The following USP7 variants were observed in gnomAD, a reference collection of about 807,000 sequenced individuals.
USP7 encodes the protein ubiquitin C-terminal hydrolase 7.
Under a neutral mutation model 162.9 loss-of-function variants are expected in USP7, and 9 were observed. The observed-to-expected ratio is 0.06, with a 90% confidence interval of 0.03 to 0.10. USP7 has a LOEUF of 0.10. Among genes scored for constraint, USP7 ranks in the 10% least tolerant of loss-of-function variants. The pLI, the probability that USP7 is intolerant of heterozygous loss-of-function variation, is 1.00. For missense variants in USP7, 715 were observed against 1,373.7 expected (o/e 0.52, Z 7.58); for synonymous variants, 562 against 475.9 (o/e 1.18, Z -2.35).
At chr16:8,927,809 C>G (rs566491178) in intron 2 of USP7, among the ~76,000 whole-genome samples, 8 of 152,174 alleles carry the variant, frequency 5.3e-5, no homozygotes, top group Non-Finnish European at 1.2e-4. Flanking sequence ...GTACTCTAGC[C>G]TGGGCGACAC....
intron 25 of USP7, chr16:8,897,379 C>T (rs944547438): frequency 5.2e-5 from 20 of 385,060 alleles, no homozygotes; most frequent in African/African-American, 3.9e-4. Flanking sequence ...AGGAAATGGT[C>T]CCGAGGGGTC....
chr16:8,936,815 G>T, intron 1 of USP7: 1 of 1,154,854 alleles, frequency 8.7e-7, no homozygotes, highest in Non-Finnish European at 1.1e-6. Flanking sequence ...AACAGAAGAG[G>T]ATATTAATGG....
At chr16:8,898,716 G>A (rs1391269724) in intron 23 of USP7, 77 bp from the exon 24 acceptor site, 3 of 1,203,520 alleles carry the variant, frequency 2.5e-6, no homozygotes, top group East Asian at 4.8e-5. Context: ...GAGCATAAAA[G>A]CAAACCGCTG....
At chr16:8,896,881 G>T in intron 26 of USP7, 118 bp downstream of exon 26, 1 of 787,684 alleles carries the variant, frequency 1.3e-6, no homozygotes, top group Non-Finnish European at 2.3e-6. Context: ...ACCCCACTGA[G>T]TCTGGGAATG....
intron 1 of USP7, among the ~76,000 whole-genome samples, chr16:8,944,232 CAAA>C (rs36002655): frequency 2.7e-5 from 4 of 147,150 alleles, no homozygotes; most frequent in African/African-American, 7.5e-5. Flanking sequence ...AACAGAGGTG[CAAA>C]AAAAAAAAAG....
chr16:8,939,270 T>C (rs1040214807), intron 1 of USP7, among the ~76,000 whole-genome samples: 1 of 152,156 alleles, frequency 6.6e-6, no homozygotes, highest in African/African-American at 2.4e-5. Context: ...CCGGCGTGCG[T>C]GCTCCCCCAT....
At chr16:8,953,227 T>A (rs1899639797) in intron 1 of USP7, among the ~76,000 whole-genome samples, 1 of 152,112 alleles carries the variant, frequency 6.6e-6, no homozygotes, top group Non-Finnish European at 1.5e-5. Flanking sequence ...CTGTCTCTCC[T>A]ATGCCACAGC....
In USP7 at chr16:8,915,343, G is replaced by T; in HGVS notation, c.989C>A (p.Ser330Tyr). Residue 330 changes from serine (S) to tyrosine (Y), a missense_variant and splice_region_variant, in exon 10 of 31, where the codon TCC becomes TAC. Physicochemically the swap from Ser to Tyr is moderately radical, Grantham distance 144 (BLOSUM62 -2). Transcript: ENST00000344836. ...IPKLFRGKMV[S>Y]YIQCKEVDYR... is the part of the protein sequence containing the mutation. ...GTCTACTTCTTTACACTGGATATAGGACTGCAAATAAGGAAAGTAAAAGTG... is the reference window on the plus strand; with the variant it reads ...GTCTACTTCTTTACACTGGATATAGTACTGCAAATAAGGAAAGTAAAAGTG... 6.2e-7 allele frequency: 1 copy of T among 1,613,296 alleles called. No homozygotes were observed. Among genetic ancestry groups the T allele is most frequent in the South Asian group, 1.1e-5 (1 of 90,912 alleles).
chr16:8,938,586 C>T (rs985880425), intron 1 of USP7, among the ~76,000 whole-genome samples: 1 of 151,968 alleles, frequency 6.6e-6, no homozygotes, highest in Non-Finnish European at 1.5e-5. Context: ...GTGGCAGGCA[C>T]CTGTAGTCCC....
intron 1 of USP7, among the ~76,000 whole-genome samples, chr16:8,936,213 G>A (rs1052488253): frequency 4.6e-5 from 7 of 152,168 alleles, no homozygotes; most frequent in African/African-American, 1.2e-4. Flanking sequence ...ACAACCTAGT[G>A]ATCAAAACTA....
chr16:8,900,064 G>A (rs1283997427), intron 21 of USP7: 4 of 449,822 alleles, frequency 8.9e-6, no homozygotes, highest in Non-Finnish European at 1.6e-5. Context: ...GCAGTGTCTT[G>A]CCCACAGACC....
At chr16:8,941,056 A>T (rs1383382741) in intron 1 of USP7, among the ~76,000 whole-genome samples, 3 of 152,170 alleles carry the variant, frequency 2.0e-5, no homozygotes, top group Non-Finnish European at 4.4e-5. Context: ...CTGATTGGAA[A>T]GTGGTAGGTG....
chr16:8,895,578 T>C, intron 27 of USP7, 64 bp downstream of exon 27: 1 of 1,329,256 alleles, frequency 7.5e-7, no homozygotes, highest in Non-Finnish European at 1.1e-6. Context: ...GCTGTGATAT[T>C]TAAATATGCA....
At chr16:8,902,017 G>GC in intron 18 of USP7, 65 bp downstream of exon 18, 1 of 1,376,540 alleles carries the variant, frequency 7.3e-7, no homozygotes, top group Admixed American at 1.7e-5. Context: ...TGTGTGTTTA[G>GC]AACAACAATC....
At chr16:8,903,867 CAA>C (rs36064651) in intron 15 of USP7, among the ~76,000 whole-genome samples, 200 of 120,530 alleles carry the variant, frequency 1.7e-3, no homozygotes, top group East Asian at 8.6e-3. Context: ...AACTCTGTCT[CAA>C]AAAAAAAAAA....
At chr16:8,899,453 C>T (rs996436745) in intron 22 of USP7, 151 bp downstream of exon 22, 2 of 1,026,854 alleles carry the variant, frequency 1.9e-6, no homozygotes, top group Admixed American at 2.7e-5. Flanking sequence ...GCTCCCAAGG[C>T]AGAGAGCCTG....
intron 1 of USP7, among the ~76,000 whole-genome samples, chr16:8,957,514 CAGG>C (rs1280547048): frequency 1.3e-5 from 2 of 151,160 alleles, no homozygotes; most frequent in African/African-American, 4.9e-5. Context: ...GAGGTTCAGG[CAGG>C]AGGATTGCTT....
At position 8,894,529 on chromosome 16, in the gene USP7, C is replaced by CGG. The variant is rs3214650; in HGVS notation, c.3202+19_3202+20dup. On this transcript the variant is annotated intron_variant, in intron 30 of 30. Coordinates refer to ENST00000344836, the MANE Select transcript of USP7 (RefSeq NM_003470.3). ...TTAGTCTGAAACCCACACCAGCCCC[C>CGG]GGGGGGGGGAGAACCCTTACCGGGC... The CGG allele has an allele frequency of 5.5e-3, 7,893 of 1,447,860 alleles. 4 individuals carry two copies. The highest frequency in any genetic ancestry group is 0.023 in the East Asian group (869 of 38,590). The allele number at this position is 1,447,860 out of a possible 1,614,324, so 89.7% of individuals were successfully genotyped here.
chr16:8,945,894 A>G (rs1221353460), intron 1 of USP7, among the ~76,000 whole-genome samples: 1 of 152,128 alleles, frequency 6.6e-6, no homozygotes, highest in Non-Finnish European at 1.5e-5. Context: ...CCAAAAAAAA[A>G]GTAAAAATTA....
Sources: allele counts gnomAD v4.1 joint callset (sites outside exome capture counted in the v4.1 genomes callset), GRCh38; gene constraint gnomAD v4.1.1; transcripts MANE v1.5; gene names NCBI Gene and HGNC (gene_info 2026-07-23, HGNC 2026-07-21).